The following CIT variants were observed in gnomAD, a reference collection of about 807,000 sequenced individuals.
CIT encodes citron Rho-interacting kinase.
Under a neutral mutation model 272.7 loss-of-function variants are expected in CIT, and 79 were observed. That is an observed-to-expected ratio of 0.29 (90% CI 0.24 to 0.35). CIT has a LOEUF of 0.35. CIT is among the 10% of genes least tolerant of loss of function. The pLI is 1.00. For missense variants in CIT, 1,909 were observed against 2,618.3 expected (o/e 0.73, Z 5.91); for synonymous variants, 948 against 995.6 (o/e 0.95, Z 0.90).
chr12:119,838,788 T>G (rs1042013902), intron 5 of CIT, among the ~76,000 whole-genome samples: 6 of 152,198 alleles, frequency 3.9e-5, no homozygotes, highest in African/African-American at 1.4e-4. Flanking sequence ...CCATCAGCAC[T>G]GAAGCCAGTG....
intron 19 of CIT, among the ~76,000 whole-genome samples, chr12:119,764,557 T>G (rs961269509): frequency 6.7e-6 from 1 of 148,982 alleles, no homozygotes; most frequent in Non-Finnish European, 1.5e-5. Flanking sequence ...CAATGAGCTA[T>G]GACTTGCACC....
chr12:119,850,225 C>T lies in CIT; in HGVS notation c.465G>A (p.Pro155=), dbSNP rs181818211. 126 of 1,613,446 alleles carry T rather than the reference C, an allele frequency of 7.8e-5. No individual in the cohort carries two copies. The highest frequency in any genetic ancestry group is 1.8e-4 in the East Asian group (8 of 44,872). ...AGGCATACTGTAATTGGGGGATCCACGGGCTTGTGCTTCGAGATAATATGT... is the reference window on the plus strand; with the variant it reads ...AGGCATACTGTAATTGGGGGATCCATGGGCTTGTGCTTCGAGATAATATGT... ...ERNILSRSTS[P]WIPQLQYAFQ... Residue 155 remains proline (P), a synonymous_variant, in exon 5 of 48, where the codon CCG becomes CCA. Transcript: ENST00000392521.
chr12:119,713,933 G>T lies in CIT; in HGVS notation c.4306+264C>A. On this transcript the variant is annotated intron_variant, in intron 33 of 47. Transcript: ENST00000392521. This position sits in a 1 kb window ranked among gnomAD's most constrained non-coding sequence, Gnocchi z 5.2. ...ATGTTTCAGTTGGAGTCAGCGGAAA[G>T]GTAGGGAGAGACCAGCCTGACAAAA... 1 of 606,544 alleles carries T rather than the reference G, an allele frequency of 1.6e-6. No individual in the cohort carries two copies. The highest frequency in any genetic ancestry group is 2.9e-6 in the Non-Finnish European group (1 of 344,002). 37.6% of individuals were successfully genotyped at this position (606,544 alleles called of 1,614,324 possible). A position where few individuals can be genotyped will look rare whatever the true frequency, so the allele number is the denominator to read the frequency against.
rs1958384987 is a variant in CIT at position 119,730,636 on chromosome 12, A to G, written c.3351-6T>C. 1 of 1,612,600 alleles carries G rather than the reference A, an allele frequency of 6.2e-7. No individual in the cohort carries two copies. Among genetic ancestry groups the G allele is most frequent in the Non-Finnish European group, 8.5e-7 (1 of 1,179,150 alleles). ...TCCGCTGATCGGCTCTCGCCCTGCC[A>G]GAAAGACACAGGTCAGCTTTTGGTA... On this transcript the variant is annotated splice_polypyrimidine_tract_variant and splice_region_variant and intron_variant, in intron 26 of 47. Coordinates refer to ENST00000392521, the MANE Select transcript of CIT (RefSeq NM_001206999.2).
At position 119,784,160 on chromosome 12, in the gene CIT, C is replaced by A. The variant is rs769135646; in HGVS notation, c.1402-109G>T. ...CTGGTGGTCTGGGCTAAGGCTAATT[C>A]GCCAAAAGTTAAGTTGGGATGGAAA... is the stretch of plus-strand genomic sequence containing the variant. On this transcript the variant is annotated intron_variant, in intron 11 of 47. Coordinates refer to ENST00000392521, the MANE Select transcript of CIT (RefSeq NM_001206999.2). The surrounding 1 kb of genome is among the most constrained non-coding windows in gnomAD (Gnocchi z 4.7). 6.2e-7 allele frequency: 1 copy of A among 1,610,960 alleles called. No homozygotes were observed. The highest frequency in any genetic ancestry group is 8.5e-7 in the Non-Finnish European group (1 of 1,178,370).
At chr12:119,875,971 G>C in intron 2 of CIT, 102 bp downstream of exon 2, 1 of 728,548 alleles carries the variant, frequency 1.4e-6, no homozygotes, top group Non-Finnish European at 2.3e-6. Context: ...CTGAGAGACT[G>C]AGACTCTAAA....
chr12:119,715,280 A>C (rs747428289), intron 32 of CIT, among the ~76,000 whole-genome samples: 16 of 152,220 alleles, frequency 1.1e-4, no homozygotes, highest in Admixed American at 3.9e-4. Context: ...AGCAGTGTGA[A>C]AATGGACTAA....
At chr12:119,833,667 A>C (rs961551203) in intron 6 of CIT, among the ~76,000 whole-genome samples, 1 of 142,984 alleles carries the variant, frequency 7.0e-6, no homozygotes, top group African/African-American at 2.7e-5. Flanking sequence ...CTGTCTCAAA[A>C]AAAAAAAAAA....
chr12:119,813,793 G>C (rs1966896806), intron 9 of CIT, among the ~76,000 whole-genome samples: 1 of 152,206 alleles, frequency 6.6e-6, no homozygotes, highest in South Asian at 2.1e-4. Context: ...GGAAATGCCA[G>C]GGTACACTTC....
chr12:119,821,478 C>T (rs935296365), intron 9 of CIT, among the ~76,000 whole-genome samples: 3 of 152,080 alleles, frequency 2.0e-5, no homozygotes, highest in Non-Finnish European at 4.4e-5. Context: ...TTCACACATC[C>T]ACTGGGAGAC....
At chr12:119,875,860 C>T (rs1214121320) in intron 2 of CIT, among the ~76,000 whole-genome samples, 3 of 152,026 alleles carry the variant, frequency 2.0e-5, no homozygotes, top group African/African-American at 7.2e-5. Flanking sequence ...TGGTGGCAGG[C>T]GGCTGTAGTC....
chr12:119,848,943 G>C (rs1480497560), intron 5 of CIT, among the ~76,000 whole-genome samples: 2 of 152,248 alleles, frequency 1.3e-5, no homozygotes, highest in East Asian at 1.9e-4. Context: ...CCAGGAAGTC[G>C]AGGCTGCAGT....
chr12:119,824,108 GTATATATATATATA>G (rs59234933), intron 8 of CIT, among the ~76,000 whole-genome samples: 6,335 of 125,440 alleles, frequency 0.051, 255 homozygotes, highest in African/African-American at 0.11. Context: ...TAGTTTTACT[GTATATATATATATA>G]TATATATATA....
intron 44 of CIT, chr12:119,699,843 C>T (rs976661338): frequency 7.2e-5 from 33 of 456,056 alleles, no homozygotes; most frequent in African/African-American, 5.8e-4. Context: ...AAGAGAGAAA[C>T]AAAATAGCCT....
rs1188732969 is a variant in CIT at position 119,686,459 on chromosome 12, A to T, written c.*1773T>A. Reference sequence around the variant, plus strand: ...CAGCAGGACATTTGCCAAAGGAGCTACCACATGGAGGTTTGTAGGCGTTTC... The same window carrying T: ...CAGCAGGACATTTGCCAAAGGAGCTTCCACATGGAGGTTTGTAGGCGTTTC... On this transcript the variant is annotated 3_prime_UTR_variant, in exon 48 of 48. Transcript: ENST00000392521. 12 of 152,262 alleles carry T rather than the reference A, an allele frequency of 7.9e-5. No homozygotes were observed. Among genetic ancestry groups the T allele is most frequent in the Admixed American group, 7.9e-4 (12 of 15,286 alleles). The allele number at this position is 152,262 out of a possible 1,614,324, so 9.4% of individuals were successfully genotyped here.
intron 5 of CIT, among the ~76,000 whole-genome samples, chr12:119,837,887 G>T (rs758496530): frequency 6.6e-6 from 1 of 152,122 alleles, no homozygotes; most frequent in Non-Finnish European, 1.5e-5. Context: ...GGGCAACAAA[G>T]CCAGACCCCA....
chr12:119,685,809 T>G lies in CIT; in HGVS notation c.*2423A>C, dbSNP rs907446444. On this transcript the variant is annotated 3_prime_UTR_variant, in exon 48 of 48. Transcript: ENST00000392521. ...GCACACATTAGTTTAGATCATTGCT[T>G]TATTTCACTAATTGTTCAACAACAA... 15 of 152,378 alleles carry G rather than the reference T, an allele frequency of 9.8e-5. No individual in the cohort carries two copies. Among genetic ancestry groups the G allele is most frequent in the Non-Finnish European group, 1.2e-4 (8 of 68,052 alleles). The allele number at this position is 152,378 out of a possible 1,614,324, so 9.4% of individuals were successfully genotyped here.
At chr12:119,714,493 T>A (rs1421312551) in intron 32 of CIT, among the ~76,000 whole-genome samples, 159 bp from the exon 33 acceptor site, 1 of 151,980 alleles carries the variant, frequency 6.6e-6, no homozygotes, top group African/African-American at 2.4e-5. Context: ...AACTCAATAA[T>A]AAAAGGACAA....
At position 119,803,280 on chromosome 12, in the gene CIT, T is replaced by G; in HGVS notation, c.1221A>C (p.Ser407=). ...ACGGCAGTTCTTCACCCGAGAAGCC[T>G]GAGGGGCTCAGCTGGCACGGAGAGG... ...VSSSPCQLSP[S]GFSGEELPFV... is the part of the protein sequence containing the mutation. Residue 407 remains serine, a synonymous_variant, in exon 10 of 48, where the codon TCA becomes TCC. Coordinates refer to ENST00000392521, the MANE Select transcript of CIT (RefSeq NM_001206999.2). The G allele has an allele frequency of 6.2e-7, 1 of 1,609,682 alleles. No homozygotes were observed. Among genetic ancestry groups the G allele is most frequent in the Non-Finnish European group, 8.5e-7 (1 of 1,178,118 alleles).
Sources: gnomAD v4.1 joint callset for allele counts (sites outside exome capture counted in the v4.1 genomes callset) on GRCh38, gnomAD v4.1.1 for gene constraint, Gnocchi (gnomAD v3.1) non-coding constraint, MANE v1.5 for transcripts, NCBI Gene and HGNC (gene_info 2026-07-23, HGNC 2026-07-21) for gene names.